The following RAD51B variants were observed in gnomAD, a reference collection of about 807,000 sequenced individuals.
RAD51B encodes the protein RAD51 paralog B, also known as DNA repair protein RAD51 homolog 2.
RAD51B carries 38 observed loss-of-function variants against 42.2 expected under a neutral mutation model. That is an observed-to-expected ratio of 0.90 (90% CI 0.70 to 1.18). The LOEUF is 1.18. RAD51B is among the 50% of genes most tolerant of loss of function. The pLI is 0.00. For missense variants in RAD51B, 373 were observed against 400.7 expected (o/e 0.93, Z 0.59); for synonymous variants, 154 against 145.2 (o/e 1.06, Z -0.43).
At position 68,545,670 on chromosome 14, in the gene RAD51B, C is replaced by T. The variant is rs929734778; in HGVS notation, c.1037-48815C>T. Reference sequence around the variant, plus strand: ...TGCCTATAGACACCTATCCATCATTCGCTTGTCCACACATTGATTTCCCTA... The same window carrying T: ...TGCCTATAGACACCTATCCATCATTTGCTTGTCCACACATTGATTTCCCTA... On this transcript the variant is annotated intron_variant, in intron 10 of 10. Coordinates refer to the RAD51B transcript ENST00000487270. The T allele has an allele frequency of 4.4e-5, 20 of 454,330 alleles. No homozygotes were observed. The Middle Eastern group carries it at 1.3e-3, about 29-fold the overall frequency. 28.1% of individuals were successfully genotyped at this position (454,330 alleles called of 1,614,324 possible). A position where few individuals can be genotyped will look rare whatever the true frequency, so the allele number is the denominator to read the frequency against.
chr14:68,433,942 T>C (rs898217835), intron 9 of RAD51B, among the ~76,000 whole-genome samples: 2 of 152,254 alleles, frequency 1.3e-5, no homozygotes, highest in African/African-American at 2.4e-5. Context: ...ATGTTCTTTC[T>C]GTTTGTTAGT....
At chr14:68,588,904 T>C (rs944593322) in intron 10 of RAD51B, among the ~76,000 whole-genome samples, 2 of 152,196 alleles carry the variant, frequency 1.3e-5, no homozygotes, top group Non-Finnish European at 2.9e-5. Flanking sequence ...TCTCCATAAA[T>C]GCTGGGCTGA....
chr14:68,196,542 C>A (rs1280915882), intron 7 of RAD51B, among the ~76,000 whole-genome samples: 1 of 152,096 alleles, frequency 6.6e-6, no homozygotes, highest in East Asian at 1.9e-4. Flanking sequence ...TTGCCAATTG[C>A]TATTATTCTA....
At chr14:68,123,197 T>C (rs2077687530) in intron 7 of RAD51B, among the ~76,000 whole-genome samples, 1 of 147,394 alleles carries the variant, frequency 6.8e-6, no homozygotes, top group African/African-American at 2.5e-5. Context: ...CTTTCTTTTT[T>C]TTTTTTTTTT....
At chr14:68,129,958 C>T (rs1340483750) in intron 7 of RAD51B, 2 of 152,192 alleles carry the variant, frequency 1.3e-5, no homozygotes, top group African/African-American at 4.8e-5. Flanking sequence ...CTTAAAACAA[C>T]AGCCATTTAT....
chr14:68,405,704 A>G (rs1387677598), intron 8 of RAD51B, among the ~76,000 whole-genome samples: 1 of 151,914 alleles, frequency 6.6e-6, no homozygotes, highest in Non-Finnish European at 1.5e-5. Flanking sequence ...ACTTTTTTAT[A>G]CTATTCTTAT....
intron 7 of RAD51B, among the ~76,000 whole-genome samples, chr14:67,893,884 T>C (rs1304959616): frequency 6.6e-6 from 1 of 152,158 alleles, no homozygotes; most frequent in Non-Finnish European, 1.5e-5. Flanking sequence ...CTGCTCTTCA[T>C]CTTTCAGCAC....
chr14:67,904,198 T>C (rs975348997), intron 7 of RAD51B, among the ~76,000 whole-genome samples: 1 of 152,134 alleles, frequency 6.6e-6, no homozygotes, highest in Non-Finnish European at 1.5e-5. Flanking sequence ...CTATTGTGAA[T>C]AGTGCTGTGA....
chr14:68,600,207 C>T (rs1005160967), downstream of RAD51B, among the ~76,000 whole-genome samples: 6 of 152,198 alleles, frequency 3.9e-5, no homozygotes, highest in Admixed American at 1.3e-4. Flanking sequence ...ACAAGCAGTG[C>T]CTCCACAAAC....
intron 7 of RAD51B, among the ~76,000 whole-genome samples, chr14:68,068,685 CT>C (rs1293529476): frequency 2.6e-5 from 4 of 152,108 alleles, no homozygotes; most frequent in Non-Finnish European, 4.4e-5. Flanking sequence ...TTTTGAGGAA[CT>C]GTTAAATTGG....
intron 10 of RAD51B, among the ~76,000 whole-genome samples, chr14:68,631,938 C>A (rs148458326): frequency 6.6e-6 from 1 of 152,172 alleles, no homozygotes; most frequent in Non-Finnish European, 1.5e-5. Flanking sequence ...GTTCATCTTT[C>A]GATCCTCTGC....
intron 7 of RAD51B, among the ~76,000 whole-genome samples, chr14:68,126,029 G>A (rs2077752794): frequency 6.6e-6 from 1 of 152,116 alleles, no homozygotes; most frequent in Non-Finnish European, 1.5e-5. Flanking sequence ...TGTTAGATGG[G>A]CACTCTCATT....
chr14:68,224,580 T>C (rs1454445886), intron 7 of RAD51B, among the ~76,000 whole-genome samples: 1 of 152,188 alleles, frequency 6.6e-6, no homozygotes, highest in African/African-American at 2.4e-5. Flanking sequence ...TATGCATAAG[T>C]AGGCATCTGA....
intron 10 of RAD51B, among the ~76,000 whole-genome samples, chr14:68,473,635 T>C (rs1035526538): frequency 3.9e-5 from 6 of 152,096 alleles, no homozygotes; most frequent in Non-Finnish European, 8.8e-5. Context: ...TACAGAACAG[T>C]ACAGAAAATC....
At chr14:68,110,521 A>G (rs971179928) in intron 7 of RAD51B, among the ~76,000 whole-genome samples, 1 of 152,056 alleles carries the variant, frequency 6.6e-6, no homozygotes, top group African/African-American at 2.4e-5. Context: ...GGGTCCCAAA[A>G]GTCTTATTGG....
In RAD51B at chr14:67,835,137, A is replaced by T. The variant is rs558278521; in HGVS notation, c.256A>T (p.Thr86Ser). The T allele has an allele frequency of 3.2e-5, 51 of 1,613,876 alleles. No individual in the cohort carries two copies. In the African/African-American group the frequency reaches 5.7e-4, roughly 18 times the overall value. The change falls in exon 4 of 11, where the codon ACC becomes TCC. Residue 86 changes from threonine (T) to serine (S), a missense_variant. Coordinates refer to ENST00000471583, the MANE Select transcript of RAD51B (RefSeq NM_133510.4). ...TTTCTCACCAGCATTCTTATCTACT[A>T]CCCTTTCTGCTTTGGACGAAGCCCT... is the stretch of plus-strand genomic sequence containing the variant. ...ADFSPAFLSTTLSALDEALHG... is the reference protein window; with the variant it reads ...ADFSPAFLSTSLSALDEALHG...
rs540226821 is a variant in RAD51B at position 68,147,637 on chromosome 14, A to G, written c.757-144247A>G. The stretch of plus-strand genomic sequence containing the variant: ...TGTATCCCCTTCAAGTGCCCACTTC[A>G]TTGGCTTATATACATTAGGTTTTCA... On this transcript the variant is annotated intron_variant, in intron 7 of 10. Transcript: ENST00000471583. Among the ~76,000 whole-genome samples the G allele has an allele frequency of 5.9e-5, 9 of 152,266 alleles. No homozygotes were observed. In the South Asian group the frequency reaches 1.7e-3, roughly 28 times the overall value.
chr14:68,273,219 C>A (rs1430624123), intron 7 of RAD51B, among the ~76,000 whole-genome samples: 1 of 152,034 alleles, frequency 6.6e-6, no homozygotes, highest in Non-Finnish European at 1.5e-5. Context: ...GATGAGGACA[C>A]TAAGGTTAGG....
chr14:67,979,755 A>C (rs1487433314), intron 7 of RAD51B, among the ~76,000 whole-genome samples: 1 of 151,988 alleles, frequency 6.6e-6, no homozygotes, highest in Non-Finnish European at 1.5e-5. Context: ...TTTTTTTCCC[A>C]AGTAGATATC....
Sources: gnomAD v4.1 joint callset for allele counts (sites outside exome capture counted in the v4.1 genomes callset) on GRCh38, gnomAD v4.1.1 for gene constraint, MANE v1.5 for transcripts, NCBI Gene and HGNC (gene_info 2026-07-23, HGNC 2026-07-21) for gene names.